Variants in CDH13 observed in about 807,000 individuals in gnomAD.
The protein encoded by CDH13 is cadherin-13.
CDH13 carries 24 observed loss-of-function variants against 63.8 expected under a neutral mutation model. The ratio of observed to expected loss-of-function variants is 0.38; its 90% CI spans 0.27 to 0.53. CDH13 has a LOEUF of 0.53. CDH13 is among the 20% of genes least tolerant of loss of function. The pLI is 0.85. For missense variants in CDH13, 1,049 were observed against 903.1 expected (o/e 1.16, Z -2.07); for synonymous variants, 503 against 355.3 (o/e 1.42, Z -4.67).
intron 3 of CDH13, among the ~76,000 whole-genome samples, chr16:83,042,157 A>G (rs1477028303): frequency 2.6e-5 from 4 of 152,342 alleles, no homozygotes; most frequent in South Asian, 2.1e-4. Flanking sequence ...CTTTAAAACA[A>G]GAGTGTCCCC....
intron 7 of CDH13, among the ~76,000 whole-genome samples, chr16:83,499,207 A>C (rs1185803361): frequency 3.3e-5 from 5 of 152,244 alleles, no homozygotes; most frequent in African/African-American, 4.8e-5. Flanking sequence ...ATGATGTGGC[A>C]AAATGTTTAA....
intron 2 of CDH13, among the ~76,000 whole-genome samples, chr16:82,908,691 T>G (rs2041726748): frequency 6.6e-6 from 1 of 152,148 alleles, no homozygotes; most frequent in Non-Finnish European, 1.5e-5. Flanking sequence ...GTACATACAA[T>G]CACCCCTCGG....
chr16:82,784,403 A>G (rs1293385596), intron 1 of CDH13, among the ~76,000 whole-genome samples: 2 of 152,166 alleles, frequency 1.3e-5, no homozygotes, highest in Non-Finnish European at 2.9e-5. Context: ...AAGGGCAATG[A>G]GGAAATGTGG....
chr16:82,784,999 C>G (rs1290503410), intron 1 of CDH13, among the ~76,000 whole-genome samples: 1 of 152,162 alleles, frequency 6.6e-6, no homozygotes, highest in Non-Finnish European at 1.5e-5. Flanking sequence ...ACAGTTAGGG[C>G]TACTCCTTAG....
At chr16:83,655,262 C>G (rs1244166193) in intron 8 of CDH13, 3 of 152,234 alleles carry the variant, frequency 2.0e-5, no homozygotes, top group Non-Finnish European at 4.4e-5. Flanking sequence ...GTGCCAGACA[C>G]CACGGTAAGA....
chr16:83,576,893 A>C (rs1222489374), intron 7 of CDH13, among the ~76,000 whole-genome samples: 1 of 152,232 alleles, frequency 6.6e-6, no homozygotes, highest in Non-Finnish European at 1.5e-5. Context: ...TCTGGATAGT[A>C]GACCCTTATC....
chr16:82,743,213 T>A (rs1403802937), intron 1 of CDH13, among the ~76,000 whole-genome samples: 2 of 152,214 alleles, frequency 1.3e-5, no homozygotes, highest in Admixed American at 1.3e-4. Flanking sequence ...TTTTAATAAT[T>A]GTAGACCAGT....
intron 6 of CDH13, among the ~76,000 whole-genome samples, chr16:83,411,529 CATTTAAAT>C (rs1210079288): frequency 2.0e-5 from 3 of 152,162 alleles, no homozygotes; most frequent in East Asian, 1.9e-4. Flanking sequence ...CAAATTCATT[CATTTAAAT>C]ATTTAAATAT....
intron 7 of CDH13, among the ~76,000 whole-genome samples, chr16:83,544,611 G>T (rs988877133): frequency 6.6e-6 from 1 of 152,124 alleles, no homozygotes; most frequent in Non-Finnish European, 1.5e-5. Context: ...GGCACCACAT[G>T]TTGCTAACCC....
chr16:83,333,494 C>T (rs2090521075), intron 5 of CDH13, among the ~76,000 whole-genome samples: 1 of 152,062 alleles, frequency 6.6e-6, no homozygotes, highest in African/African-American at 2.4e-5. Context: ...CTTTGGACTA[C>T]CTTTGAAATC....
At chr16:83,168,352 CATACATGTATGT>C (rs1003623190) in intron 4 of CDH13, among the ~76,000 whole-genome samples, 3 of 151,960 alleles carry the variant, frequency 2.0e-5, no homozygotes, top group Non-Finnish European at 4.4e-5. Flanking sequence ...CTCAAACACG[CATACATGTATGT>C]ATGTGTATAT....
intron 4 of CDH13, among the ~76,000 whole-genome samples, chr16:83,190,680 A>G (rs1253880621): frequency 6.6e-6 from 1 of 152,294 alleles, no homozygotes; most frequent in East Asian, 1.9e-4. Flanking sequence ...AAATAGCCCC[A>G]AGTGCTAATA....
chr16:82,930,424 A>C (rs1419078612), intron 2 of CDH13, among the ~76,000 whole-genome samples: 1 of 151,894 alleles, frequency 6.6e-6, no homozygotes, highest in East Asian at 1.9e-4. Flanking sequence ...ATGTTATATT[A>C]AACATAGGTG....
chr16:83,691,824 T>G (rs1289781781), intron 10 of CDH13, among the ~76,000 whole-genome samples: 2 of 152,160 alleles, frequency 1.3e-5, no homozygotes, highest in Non-Finnish European at 2.9e-5. Context: ...GGTTGGCCGC[T>G]TTCTGCTATA....
chr16:83,028,817 A>C (rs1916050182), intron 2 of CDH13, among the ~76,000 whole-genome samples: 1 of 152,220 alleles, frequency 6.6e-6, no homozygotes, highest in Non-Finnish European at 1.5e-5. Context: ...CTGGAATTGA[A>C]GAAAGCCAAG....
chr16:83,315,076 T>A (rs935431751), intron 5 of CDH13, among the ~76,000 whole-genome samples: 13 of 152,188 alleles, frequency 8.5e-5, no homozygotes, highest in African/African-American at 2.4e-4. Flanking sequence ...TACAAAGTGA[T>A]AGTGAGGAAT....
chr16:83,091,245 C>A (rs901021374), intron 3 of CDH13, among the ~76,000 whole-genome samples: 16 of 151,786 alleles, frequency 1.1e-4, no homozygotes, highest in African/African-American at 3.9e-4. Context: ...CCCCCTACTC[C>A]CTTTTTCTCC....
chr16:83,526,873 C>T (rs1385483153), intron 7 of CDH13, among the ~76,000 whole-genome samples: 1 of 152,058 alleles, frequency 6.6e-6, no homozygotes, highest in Non-Finnish European at 1.5e-5. Flanking sequence ...GGCTCGTGCC[C>T]GTAATCCCAG....
intron 10 of CDH13, among the ~76,000 whole-genome samples, chr16:83,743,552 A>G (rs1024053456): frequency 5.3e-5 from 8 of 152,210 alleles, no homozygotes; most frequent in Admixed American, 5.2e-4. Flanking sequence ...ATCAAAGAGC[A>G]TTGCTTGTAC....
Sources: allele counts gnomAD v4.1 joint callset (sites outside exome capture counted in the v4.1 genomes callset), GRCh38; gene constraint gnomAD v4.1.1; transcripts MANE v1.5; gene names NCBI Gene and HGNC (gene_info 2026-07-23, HGNC 2026-07-21).